Variants in FOCAD observed in about 807,000 individuals in gnomAD.
The protein encoded by FOCAD is KIAA1797.
In FOCAD, 198 loss-of-function variants were observed where a neutral mutation model predicts 225.6. The observed-to-expected ratio is 0.88, with a 90% CI of 0.78 to 0.99. The LOEUF is 0.99. Among genes scored for constraint, FOCAD ranks in the 50% least tolerant of loss-of-function variants. The pLI, the probability that FOCAD is intolerant of heterozygous loss-of-function variation, is 0.00. For missense variants in FOCAD, 2,713 were observed against 2,123.6 expected (o/e 1.28, Z -5.46); for synonymous variants, 897 against 755.0 (o/e 1.19, Z -3.08).
At chr9:20,792,312 T>TA (rs755045072) in intron 11 of FOCAD, among the ~76,000 whole-genome samples, 3 of 152,234 alleles carry the variant, frequency 2.0e-5, no homozygotes, top group Non-Finnish European at 4.4e-5. Context: ...AATAAAAGTG[T>TA]AAATAGTTTA....
rs184257410 is a variant in FOCAD at position 20,748,023 on chromosome 9, G to T, written c.392+7683G>T. ...ATCGACGATCAGCTATTATCTTATG[G>T]TTTTATTGTCAAAGTGAGCATTTTG... is the stretch of plus-strand genomic sequence containing the variant. On this transcript the variant is annotated intron_variant, in intron 5 of 43. Coordinates refer to ENST00000338382, the MANE Select transcript of FOCAD (RefSeq NM_001375567.1). Among the ~76,000 whole-genome samples, 180 of 151,698 alleles carry T rather than the reference G, an allele frequency of 1.2e-3. 1 individual carries two copies. The highest frequency in any genetic ancestry group is 5.3e-3 in the Admixed American group (80 of 15,224).
At chr9:20,995,430 A>C (rs959441133) in intron 43 of FOCAD, 126 bp from the exon 44 acceptor site, 40 of 545,722 alleles carry the variant, frequency 7.3e-5, no homozygotes, top group Non-Finnish European at 1.1e-4. Flanking sequence ...AATCCTGCCA[A>C]AATATCGATG....
At chr9:20,699,586 A>G (rs1264907971) in intron 1 of FOCAD, among the ~76,000 whole-genome samples, 1 of 150,548 alleles carries the variant, frequency 6.6e-6, no homozygotes, top group Non-Finnish European at 1.5e-5. Flanking sequence ...CTAAAAATAC[A>G]GATACACTGG....
intron 21 of FOCAD, among the ~76,000 whole-genome samples, chr9:20,895,996 G>T (rs1035778676): frequency 6.6e-6 from 1 of 151,690 alleles, no homozygotes; most frequent in Non-Finnish European, 1.5e-5. Context: ...TGATGTTAAC[G>T]GTGGGTGTTT....
chr9:20,953,345 A>C (rs1487821556), intron 35 of FOCAD, among the ~76,000 whole-genome samples: 1 of 152,200 alleles, frequency 6.6e-6, no homozygotes, highest in Non-Finnish European at 1.5e-5. Flanking sequence ...CCAAAGTATA[A>C]GCACAGATTA....
intron 2 of FOCAD, among the ~76,000 whole-genome samples, chr9:20,678,390 A>C (rs1346634959): frequency 6.6e-6 from 1 of 152,176 alleles, no homozygotes; most frequent in Non-Finnish European, 1.5e-5. Flanking sequence ...AGCTGACTGC[A>C]GACATGTAAA....
intron 15 of FOCAD, among the ~76,000 whole-genome samples, chr9:20,850,134 A>G (rs954373555): frequency 6.6e-6 from 1 of 151,782 alleles, no homozygotes; most frequent in African/African-American, 2.4e-5. Flanking sequence ...TCTTAGTCTT[A>G]TGGTCATAAG....
intron 35 of FOCAD, among the ~76,000 whole-genome samples, chr9:20,957,156 C>T (rs1381723042): frequency 2.0e-5 from 3 of 152,154 alleles, no homozygotes; most frequent in Non-Finnish European, 4.4e-5. Context: ...TTCAAACTTT[C>T]TGGCTCAAGT....
At chr9:20,788,997 T>A (rs76671059) in intron 10 of FOCAD, among the ~76,000 whole-genome samples, 5 of 152,098 alleles carry the variant, frequency 3.3e-5, no homozygotes, top group African/African-American at 1.2e-4. Flanking sequence ...TTTTTTTTTT[T>A]AATCTTTCTT....
At chr9:20,871,894 A>T (rs1829809534) in intron 18 of FOCAD, among the ~76,000 whole-genome samples, 1 of 142,188 alleles carries the variant, frequency 7.0e-6, no homozygotes, top group South Asian at 2.3e-4. Flanking sequence ...TGTACCCTAA[A>T]ACTTAAAGTA....
chr9:20,961,098 A>G (rs1420777787), intron 35 of FOCAD, among the ~76,000 whole-genome samples: 1 of 151,732 alleles, frequency 6.6e-6, no homozygotes, highest in East Asian at 1.9e-4. Flanking sequence ...CTACCCATCT[A>G]TGTTTTTTAT....
intron 11 of FOCAD, among the ~76,000 whole-genome samples, chr9:20,796,083 C>T (rs868719754): frequency 2.4e-4 from 36 of 151,368 alleles, no homozygotes; most frequent in Admixed American, 1.3e-3. Context: ...TTTGTTCTTG[C>T]GATAGTTTGC....
intron 15 of FOCAD, among the ~76,000 whole-genome samples, chr9:20,834,866 A>G (rs996941400): frequency 6.6e-5 from 10 of 152,152 alleles, no homozygotes; most frequent in Non-Finnish European, 2.9e-5. Context: ...TACAAACTAT[A>G]TAACATTAGT....
chr9:20,685,377 C>T (rs1384893067), intron 1 of FOCAD, among the ~76,000 whole-genome samples: 3 of 152,008 alleles, frequency 2.0e-5, no homozygotes, highest in South Asian at 4.1e-4. Flanking sequence ...TGGCATGTTT[C>T]CTGAACTGTG....
intron 19 of FOCAD, 125 bp downstream of exon 19, chr9:20,874,932 T>TA: frequency 1.7e-6 from 2 of 1,197,634 alleles, no homozygotes; most frequent in African/African-American, 1.5e-5. Context: ...ACCAGAATGT[T>TA]AAATGCACCC....
chr9:20,795,845 T>G (rs984547149), intron 11 of FOCAD, among the ~76,000 whole-genome samples: 1 of 151,766 alleles, frequency 6.6e-6, no homozygotes, highest in Non-Finnish European at 1.5e-5. Context: ...ATTTATTTTT[T>G]GTTATACTTT....
In FOCAD at chr9:20,720,435, G is replaced by A. The variant is rs143009945; in HGVS notation, c.188G>A (p.Arg63Gln). 9 of 1,613,924 alleles carry A rather than the reference G, an allele frequency of 5.6e-6. No homozygotes were observed. Among genetic ancestry groups the A allele is most frequent in the East Asian group, 2.2e-5 (1 of 44,878 alleles). The change falls in exon 4 of 44, where the codon CGA becomes CAA. Residue 63 changes from arginine (R) to glutamine (Q), a missense_variant. By Grantham distance (43) the Arg-to-Gln change is conservative. Transcript: ENST00000338382. ...TGTTGCAGTGACAATGTAGTGGTTC[G>A]AACAGCCTGCTGTGAAGGTCTGGTG... ...EKCCSDNVVV[R>Q]TACCEGLVAL...
chr9:20,805,181 G>T (rs186108632), intron 11 of FOCAD, among the ~76,000 whole-genome samples: 1 of 152,262 alleles, frequency 6.6e-6, no homozygotes, highest in African/African-American at 2.4e-5. Flanking sequence ...TTTCTTTTAA[G>T]GGTCTTTGAA....
chr9:20,958,650 T>C (rs542312965), intron 35 of FOCAD, among the ~76,000 whole-genome samples: 11 of 152,280 alleles, frequency 7.2e-5, no homozygotes, highest in African/African-American at 2.6e-4. Context: ...TAATTGTGGT[T>C]TTGTATCCTT....
Sources: allele counts gnomAD v4.1 joint callset (sites outside exome capture counted in the v4.1 genomes callset), GRCh38; gene constraint gnomAD v4.1.1; transcripts MANE v1.5; gene names NCBI Gene and HGNC (gene_info 2026-07-23, HGNC 2026-07-21).